KCNK9: variants seen among roughly 807,000 people sequenced by gnomAD.
KCNK9 encodes potassium two pore domain channel subfamily K member 9, also known as potassium channel subfamily K member 9.
In KCNK9, 1 loss-of-function variant was observed where a neutral mutation model predicts 10.8. That is an observed-to-expected ratio of 0.09 (90% CI 0.03 to 0.44). The LOEUF (loss-of-function observed/expected upper bound fraction) is 0.44, where lower values mean the gene tolerates loss of function less well. KCNK9 is among the 20% of genes least tolerant of loss of function. The pLI, the probability that KCNK9 is intolerant of heterozygous loss-of-function variation, is 0.97. For synonymous variants in KCNK9, 231 were observed against 222.7 expected (o/e 1.04, Z -0.33); for missense variants, 303 against 515.0 (o/e 0.59, Z 3.98).
intron 1 of KCNK9, among the ~76,000 whole-genome samples, chr8:139,645,986 A>T (rs188113715): frequency 1.4e-3 from 206 of 152,184 alleles, no homozygotes; most frequent in Non-Finnish European, 2.2e-3. Flanking sequence ...GTTCTTACCC[A>T]TTCCCAGCAA....
chr8:139,618,132 G>A lies in KCNK9; in HGVS notation c.*126C>T, dbSNP rs1814656781. 2.3e-6 allele frequency: 3 copies of A among 1,331,310 alleles called. No homozygotes were observed. Among genetic ancestry groups the A allele is most frequent in the Non-Finnish European group, 3.1e-6 (3 of 960,066 alleles). The allele number at this position is 1,331,310 out of a possible 1,614,324, so 82.5% of individuals were successfully genotyped here. A position where few individuals can be genotyped will look rare whatever the true frequency, so the allele number is the denominator to read the frequency against. On this transcript the variant is annotated 3_prime_UTR_variant, in exon 2 of 2. Coordinates refer to ENST00000520439, the MANE Select transcript of KCNK9 (RefSeq NM_001282534.2). This position sits in a 1 kb window ranked among gnomAD's most constrained non-coding sequence, Gnocchi z 7.9. ...ATGAGACCAAGAGACCAAGAAAGGA[G>A]GAAGGAGAGAAAGTAATAATGATGA...
At chr8:139,680,197 C>T (rs533019732) in intron 1 of KCNK9, among the ~76,000 whole-genome samples, 2 of 152,318 alleles carry the variant, frequency 1.3e-5, no homozygotes, top group South Asian at 4.1e-4. Context: ...TCAGGTTCAG[C>T]CTTGGCCAGC....
At chr8:139,649,724 T>C (rs551527225) in intron 1 of KCNK9, among the ~76,000 whole-genome samples, 6 of 152,342 alleles carry the variant, frequency 3.9e-5, no homozygotes, top group African/African-American at 1.4e-4. Flanking sequence ...GCCCTATCAA[T>C]TCTCAGCTGT....
chr8:139,670,328 C>T (rs147792760), intron 1 of KCNK9, among the ~76,000 whole-genome samples: 2 of 152,152 alleles, frequency 1.3e-5, no homozygotes, highest in East Asian at 1.9e-4. Flanking sequence ...CAAAATGAGA[C>T]GCAGAGACCC....
intron 1 of KCNK9, among the ~76,000 whole-genome samples, chr8:139,700,544 GCACACA>G (rs145303403): frequency 1.1e-4 from 16 of 142,588 alleles, no homozygotes; most frequent in Non-Finnish European, 1.7e-4. Flanking sequence ...ACACACGCGC[GCACACA>G]CACACACACA....
At chr8:139,675,878 C>G (rs890980812) in intron 1 of KCNK9, among the ~76,000 whole-genome samples, 1 of 152,328 alleles carries the variant, frequency 6.6e-6, no homozygotes, top group East Asian at 1.9e-4. Context: ...CTTGGGCACA[C>G]AGATAAACTA....
chr8:139,635,152 T>G (rs1393790509), intron 1 of KCNK9, among the ~76,000 whole-genome samples: 1 of 152,220 alleles, frequency 6.6e-6, no homozygotes, highest in Non-Finnish European at 1.5e-5. Context: ...ACATAGTAGC[T>G]CCACATCAAA....
intron 1 of KCNK9, among the ~76,000 whole-genome samples, chr8:139,664,005 G>A (rs938816264): frequency 3.3e-5 from 5 of 152,176 alleles, no homozygotes; most frequent in African/African-American, 1.2e-4. Flanking sequence ...TCTGGAGAAC[G>A]CTGCGAGGGC....
At chr8:139,700,483 CAT>C (rs1163323872) in intron 1 of KCNK9, among the ~76,000 whole-genome samples, 5 of 139,820 alleles carry the variant, frequency 3.6e-5, no homozygotes, top group Admixed American at 1.4e-4. Context: ...TTCACATACA[CAT>C]ACACACACAC....
At chr8:139,681,549 C>T (rs968131340) in intron 1 of KCNK9, among the ~76,000 whole-genome samples, 1 of 152,352 alleles carries the variant, frequency 6.6e-6, no homozygotes, top group South Asian at 2.1e-4. Flanking sequence ...CGGCAGACTT[C>T]CTGGTGCCCC....
chr8:139,620,193 T>C (rs1814733991), intron 1 of KCNK9, among the ~76,000 whole-genome samples: 1 of 152,172 alleles, frequency 6.6e-6, no homozygotes, highest in African/African-American at 2.4e-5. Context: ...ACTGTGGGAC[T>C]AACACTACCC....
intron 1 of KCNK9, among the ~76,000 whole-genome samples, chr8:139,628,614 G>A (rs1274336166): frequency 6.6e-6 from 1 of 152,200 alleles, no homozygotes; most frequent in Non-Finnish European, 1.5e-5. Context: ...CTCAGGCTTG[G>A]CACCAAATCT....
chr8:139,609,193 G>T (rs1161345103), downstream of KCNK9, among the ~76,000 whole-genome samples: 1 of 132,350 alleles, frequency 7.6e-6, no homozygotes, highest in Non-Finnish European at 1.5e-5. Context: ...CAGCTCTGCC[G>T]CTTTTCTGAG....
At chr8:139,670,980 A>G (rs1268014681) in intron 1 of KCNK9, among the ~76,000 whole-genome samples, 1 of 152,100 alleles carries the variant, frequency 6.6e-6, no homozygotes, top group East Asian at 1.9e-4. Context: ...CATCCCCTCC[A>G]CTATTGCCAC....
At chr8:139,685,503 A>G (rs954708930) in intron 1 of KCNK9, among the ~76,000 whole-genome samples, 4 of 151,776 alleles carry the variant, frequency 2.6e-5, no homozygotes, top group African/African-American at 9.7e-5. Context: ...TCATTGTTCA[A>G]CTCCCACCTA....
chr8:139,626,956 G>A (rs1814996965), intron 1 of KCNK9, among the ~76,000 whole-genome samples: 2 of 152,160 alleles, frequency 1.3e-5, no homozygotes, highest in South Asian at 4.1e-4. Context: ...ATGAGCTTCG[G>A]CCCCGCTCAG....
chr8:139,682,944 A>G (rs1204046815), intron 1 of KCNK9, among the ~76,000 whole-genome samples: 1 of 152,074 alleles, frequency 6.6e-6, no homozygotes, highest in East Asian at 1.9e-4. Flanking sequence ...GGAAAACAAA[A>G]CTCAAAGGAA....
At chr8:139,614,235 TC>T (rs1814513590), downstream of KCNK9, among the ~76,000 whole-genome samples, 1 of 152,168 alleles carries the variant, frequency 6.6e-6, no homozygotes, top group East Asian at 1.9e-4. Flanking sequence ...TCTCATGCTG[TC>T]CCAATGTTCT....
In KCNK9 at chr8:139,693,411, C is replaced by T. The variant is rs1036061405; in HGVS notation, c.283+9299G>A. On this transcript the variant is annotated intron_variant, in intron 1 of 1. Transcript: ENST00000520439. This position sits in a 1 kb window ranked among gnomAD's most constrained non-coding sequence, Gnocchi z 4.1. Reference sequence around the variant, plus strand: ...TCAAAAGGCTGCAGCCTGTCCTGCACCTACCCAGTGGTCCCAAGGCACAAC... The same window carrying T: ...TCAAAAGGCTGCAGCCTGTCCTGCATCTACCCAGTGGTCCCAAGGCACAAC... Among the ~76,000 whole-genome samples the T allele has an allele frequency of 1.4e-4, 21 of 152,048 alleles. No individual in the cohort carries two copies. Among genetic ancestry groups the T allele is most frequent in the African/African-American group, 5.1e-4 (21 of 41,400 alleles).
Sources: gnomAD v4.1 joint callset for allele counts (sites outside exome capture counted in the v4.1 genomes callset) on GRCh38, gnomAD v4.1.1 for gene constraint, Gnocchi (gnomAD v3.1) non-coding constraint, MANE v1.5 for transcripts, NCBI Gene and HGNC (gene_info 2026-07-23, HGNC 2026-07-21) for gene names.